Variants in VRK3 observed in about 807,000 individuals in gnomAD.
The protein encoded by VRK3 is serine/threonine-protein kinase VRK3.
VRK3 carries 50 observed loss-of-function variants against 60.4 expected under a neutral mutation model. The ratio of observed to expected loss-of-function variants is 0.83; its 90% CI spans 0.66 to 1.05. VRK3 has a LOEUF of 1.05. VRK3 is among the 50% of genes least tolerant of loss of function. The pLI, the probability that VRK3 is intolerant of heterozygous loss-of-function variation, is 0.00. For missense variants in VRK3, 549 were observed against 585.3 expected (o/e 0.94, Z 0.64); for synonymous variants, 246 against 227.8 (o/e 1.08, Z -0.72).
chr19:49,991,790 A>G (rs2076616948), intron 10 of VRK3, among the ~76,000 whole-genome samples: 5 of 152,156 alleles, frequency 3.3e-5, no homozygotes, highest in African/African-American at 9.7e-5. Context: ...CGGCTTCCCA[A>G]TGACAGGGTT....
At chr19:50,019,119 A>C (rs2077122459) in intron 2 of VRK3, 1 of 144,954 alleles carries the variant, frequency 6.9e-6, no homozygotes, top group Non-Finnish European at 1.5e-5. Flanking sequence ...GAGCCGAGAT[A>C]GCACCACTGC....
chr19:49,986,303 G>C (rs558304707), intron 12 of VRK3: 11 of 153,058 alleles, frequency 7.2e-5, no homozygotes, highest in African/African-American at 2.6e-4. Context: ...ATGAGGTTTA[G>C]AGCATAGTGC....
intron 3 of VRK3, 54 bp from the exon 4 acceptor site, chr19:50,009,439 C>T: frequency 1.3e-6 from 2 of 1,596,306 alleles, no homozygotes; most frequent in South Asian, 1.1e-5. Context: ...CCTCTGCAGG[C>T]ACCATTGGAC....
At chr19:50,015,461 A>T (rs2077060814) in intron 3 of VRK3, among the ~76,000 whole-genome samples, 1 of 152,100 alleles carries the variant, frequency 6.6e-6, no homozygotes, top group Non-Finnish European at 1.5e-5. Context: ...GGCATGCGCC[A>T]CTATGCCCAG....
intron 6 of VRK3, chr19:49,998,543 G>C (rs919111465): frequency 2.3e-4 from 35 of 151,172 alleles, no homozygotes; most frequent in African/African-American, 8.5e-4. Context: ...GAGTTCTTAA[G>C]AGTATAGAGT....
At chr19:50,001,055 T>C (rs2076796751) in intron 5 of VRK3, 1 of 562,806 alleles carries the variant, frequency 1.8e-6, no homozygotes, top group Non-Finnish European at 3.1e-6. Context: ...TATCCAGCCA[T>C]GCAGGAAGGG....
chr19:49,978,936 A>C, intron 14 of VRK3, 147 bp downstream of exon 14: 1 of 773,010 alleles, frequency 1.3e-6, no homozygotes, highest in East Asian at 3.0e-5. Context: ...AAGTTCAAGG[A>C]CCGTGCGGAA....
At chr19:50,024,557 TG>T in intron 1 of VRK3, among the ~76,000 whole-genome samples, 1 of 152,220 alleles carries the variant, frequency 6.6e-6, no homozygotes, top group Non-Finnish European at 1.5e-5. Context: ...ACCCTGAGAA[TG>T]TGAATTAGCT....
At chr19:49,989,082 G>A (rs2076566214) in intron 11 of VRK3, among the ~76,000 whole-genome samples, 2 of 152,182 alleles carry the variant, frequency 1.3e-5, no homozygotes, top group Non-Finnish European at 2.9e-5. Context: ...GATGCTGGAG[G>A]CAGGGGTGCC....
Position 50,007,820 on chromosome 19 carries a change from C to T in VRK3, c.296G>A (p.Gly99Glu), listed in dbSNP as rs2076924221. Residue 99 changes from glycine (G) to glutamate (E), a missense_variant, in exon 5 of 15, where the codon GGG becomes GAG. Transcript: ENST00000316763. ...LSSSERSKGS[G>E]SRPPTPKSSP... ...GCTTTTGGGGGTTGGGGGTCTGCTC[C>T]CGGAGCCTGCAGGAGGATGTAAGAA... The T allele has an allele frequency of 1.2e-6, 2 of 1,614,138 alleles. No individual in the cohort carries two copies. The highest frequency in any genetic ancestry group is 1.3e-5 in the African/African-American group (1 of 75,020).
At chr19:49,981,066 T>C in intron 12 of VRK3, 53 bp from the exon 13 acceptor site, 1 of 1,532,420 alleles carries the variant, frequency 6.5e-7, no homozygotes, top group African/African-American at 1.4e-5. Context: ...GAGAGCAACC[T>C]TTTAAAACAG....
chr19:49,977,969 C>T (rs1234431545), intron 14 of VRK3, among the ~76,000 whole-genome samples: 1 of 152,120 alleles, frequency 6.6e-6, no homozygotes, highest in African/African-American at 2.4e-5. Flanking sequence ...TGTAAGGAAA[C>T]GTTGTGGGAA....
In VRK3 at chr19:50,000,782, T is replaced by A. The variant is rs575987649; in HGVS notation, c.612+8A>T. On this transcript the variant is annotated splice_region_variant and intron_variant, in intron 6 of 14. Transcript: ENST00000316763. ...TCCAAGCTGCCCCCCACCTGCAGGG[T>A]CACTTACCAGTTTGAGTGAGAACTT... is the stretch of plus-strand genomic sequence containing the variant. The A allele has an allele frequency of 1.3e-5, 21 of 1,611,658 alleles. No homozygotes were observed. In the African/African-American group the frequency reaches 2.7e-4, roughly 20 times the overall value.
chr19:49,992,653 TGGA>T (rs2076630891), intron 10 of VRK3, among the ~76,000 whole-genome samples: 2 of 152,236 alleles, frequency 1.3e-5, no homozygotes, highest in African/African-American at 4.8e-5. Flanking sequence ...AGCTAGCCTG[TGGA>T]TTTCTTTTTT....
In VRK3 at chr19:50,007,942, T is replaced by C. The variant is rs1284288857; in HGVS notation, c.290-116A>G. ...TACAAATTCGTTCATTCAACAAACA[T>C]TTCCTGGGACCTTCTATGAGTCAGG... On this transcript the variant is annotated intron_variant, in intron 4 of 14. Coordinates refer to ENST00000316763, the MANE Select transcript of VRK3 (RefSeq NM_016440.4). 8 of 1,430,440 alleles carry C rather than the reference T, an allele frequency of 5.6e-6. No homozygotes were observed. The African/African-American group carries it at 8.6e-5, about 15-fold the overall frequency. 88.6% of individuals were successfully genotyped at this position (1,430,440 alleles called of 1,614,324 possible). A position where few individuals can be genotyped will look rare whatever the true frequency, so the allele number is the denominator to read the frequency against.
At chr19:49,983,269 C>CCT (rs1239427303) in intron 12 of VRK3, among the ~76,000 whole-genome samples, 1 of 152,192 alleles carries the variant, frequency 6.6e-6, no homozygotes, top group Non-Finnish European at 1.5e-5. Flanking sequence ...CGCACGTATG[C>CCT]CTCTGCACAT....
chr19:49,980,489 G>C, intron 13 of VRK3, among the ~76,000 whole-genome samples: 1 of 152,158 alleles, frequency 6.6e-6, no homozygotes, highest in Admixed American at 6.6e-5. Context: ...GCCGAGGTAG[G>C]TAGATCAGTT....
intron 14 of VRK3, among the ~76,000 whole-genome samples, chr19:49,977,467 G>A (rs1259460741): frequency 1.3e-5 from 2 of 152,108 alleles, no homozygotes; most frequent in East Asian, 3.9e-4. Context: ...TTTGCCCTGG[G>A]TGAGGAAGGC....
At chr19:50,022,325 C>T (rs2077184370) in intron 1 of VRK3, among the ~76,000 whole-genome samples, 1 of 152,236 alleles carries the variant, frequency 6.6e-6, no homozygotes, top group Non-Finnish European at 1.5e-5. Context: ...CCGGTTCTGA[C>T]ACCGTCACCA....
Sources: gnomAD v4.1 joint callset for allele counts (sites outside exome capture counted in the v4.1 genomes callset) on GRCh38, gnomAD v4.1.1 for gene constraint, MANE v1.5 for transcripts, NCBI Gene and HGNC (gene_info 2026-07-23, HGNC 2026-07-21) for gene names.